The following QTMAN variants were observed in gnomAD, a reference collection of about 807,000 sequenced individuals.
QTMAN encodes queuosine-tRNA mannosyltransferase.
At chr2:144,326,764 T>C in the QTMAN span, among the ~76,000 whole-genome samples, 1 of 152,314 alleles carries the variant, frequency 6.6e-6, no homozygotes, top group Non-Finnish European at 1.5e-5. Context: ...CTATATGTAC[T>C]GAGTGCTAAG....
the QTMAN span, among the ~76,000 whole-genome samples, chr2:143,964,936 G>A: frequency 0.012 from 1,820 of 152,210 alleles, 60 homozygotes; most frequent in African/African-American, 0.04. Context: ...AAAGAAGAAC[G>A]CTTGTTTAAG....
the QTMAN span, chr2:143,970,683 C>A: frequency 6.2e-7 from 1 of 1,607,334 alleles, no homozygotes; most frequent in Non-Finnish European, 8.5e-7. Flanking sequence ...TCTCCAAGTA[C>A]AGACACGTGG....
At chr2:144,098,019 C>G in the QTMAN span, among the ~76,000 whole-genome samples, 1 of 152,314 alleles carries the variant, frequency 6.6e-6, no homozygotes, top group South Asian at 2.1e-4. Context: ...TCCTCTCTGA[C>G]AAGAAGCTGC....
the QTMAN span, among the ~76,000 whole-genome samples, chr2:144,081,170 C>A: frequency 6.6e-6 from 1 of 152,102 alleles, no homozygotes; most frequent in African/African-American, 2.4e-5. Flanking sequence ...TCTGTGAGTG[C>A]ATTTCTTCCC....
the QTMAN span, among the ~76,000 whole-genome samples, chr2:144,324,360 C>T: frequency 6.6e-6 from 1 of 152,082 alleles, no homozygotes; most frequent in Admixed American, 6.6e-5. Flanking sequence ...ATGATATGCT[C>T]TAGATAGTTC....
the QTMAN span, among the ~76,000 whole-genome samples, chr2:144,111,934 T>C: frequency 6.6e-6 from 1 of 152,210 alleles, no homozygotes; most frequent in Non-Finnish European, 1.5e-5. Flanking sequence ...CAAATATTCA[T>C]CACTAAGGAG....
At chr2:144,108,783 G>A in the QTMAN span, among the ~76,000 whole-genome samples, 1 of 152,106 alleles carries the variant, frequency 6.6e-6, no homozygotes, top group African/African-American at 2.4e-5. Flanking sequence ...CTAACAGAGA[G>A]CCAAATCATG....
chr2:143,950,783 T>C, the QTMAN span, among the ~76,000 whole-genome samples: 1 of 151,596 alleles, frequency 6.6e-6, no homozygotes, highest in Non-Finnish European at 1.5e-5. Context: ...AATATTGAGG[T>C]AAATCTTGAA....
chr2:144,017,403 T>C, the QTMAN span, among the ~76,000 whole-genome samples: 2 of 152,224 alleles, frequency 1.3e-5, no homozygotes, highest in Non-Finnish European at 2.9e-5. Context: ...AATAAAGTCA[T>C]TTAATTTTTC....
At chr2:144,011,644 A>C in the QTMAN span, 5 of 919,864 alleles carry the variant, frequency 5.4e-6, no homozygotes, top group African/African-American at 7.1e-5. Flanking sequence ...TGCTAGTAAA[A>C]AAAAAAAAAA....
the QTMAN span, among the ~76,000 whole-genome samples, chr2:144,222,428 GA>G: frequency 2.9e-3 from 443 of 152,062 alleles, 3 homozygotes; most frequent in African/African-American, 0.01. Flanking sequence ...TATGGGTCTT[GA>G]AATAAGGGGA....
the QTMAN span, among the ~76,000 whole-genome samples, chr2:144,273,453 C>G: frequency 6.6e-6 from 1 of 152,076 alleles, no homozygotes; most frequent in South Asian, 2.1e-4. Flanking sequence ...AAACAGGAAA[C>G]AAGGCTGCTG....
chr2:143,972,240 G>C, the QTMAN span, among the ~76,000 whole-genome samples: 1 of 152,042 alleles, frequency 6.6e-6, no homozygotes, highest in African/African-American at 2.4e-5. Context: ...TCAAATAGCT[G>C]CCACCTAATC....
chr2:144,231,844 G>A, the QTMAN span, among the ~76,000 whole-genome samples: 3 of 5,260 alleles, frequency 5.7e-4, no homozygotes, highest in Admixed American at 4.9e-3. Context: ...AATGAAAGAG[G>A]TGTGTGTGTG....
At chr2:144,244,220 C>T in the QTMAN span, among the ~76,000 whole-genome samples, 3 of 152,132 alleles carry the variant, frequency 2.0e-5, no homozygotes, top group Non-Finnish European at 2.9e-5. Flanking sequence ...TCCAACAGTG[C>T]GGAGCTCATG....
the QTMAN span, among the ~76,000 whole-genome samples, chr2:144,217,361 T>TA: frequency 2.1e-4 from 32 of 151,772 alleles, no homozygotes; most frequent in East Asian, 7.7e-4. Context: ...CAATATAAGT[T>TA]AAAAAAAACC....
the QTMAN span, among the ~76,000 whole-genome samples, chr2:144,257,917 AAAG>A: frequency 2.6e-3 from 400 of 152,324 alleles, 1 homozygote; most frequent in African/African-American, 9.2e-3. Context: ...AAGAAGTGAT[AAAG>A]AATATAAGCT....
the QTMAN span, among the ~76,000 whole-genome samples, chr2:143,953,640 C>CGGG: frequency 6.6e-6 from 1 of 151,852 alleles, no homozygotes; most frequent in East Asian, 1.9e-4. Flanking sequence ...GTTAGCCCTG[C>CGGG]ATAATAGCTA....
the QTMAN span, among the ~76,000 whole-genome samples, chr2:144,202,170 G>A: frequency 3.4e-3 from 517 of 152,310 alleles, 2 homozygotes; most frequent in African/African-American, 0.012. Context: ...AAAGAGGGTA[G>A]TTGGCCAAAT....
Sources: gnomAD v4.1 joint callset for allele counts (sites outside exome capture counted in the v4.1 genomes callset) on GRCh38, gnomAD v4.1.1 for gene constraint, MANE v1.5 for transcripts, NCBI Gene and HGNC (gene_info 2026-07-23, HGNC 2026-07-21) for gene names.